Variants in BAZ2B observed in about 807,000 individuals in gnomAD.
The protein encoded by BAZ2B is bromodomain adjacent to zinc finger domain protein 2B.
In BAZ2B, 91 loss-of-function variants were observed where a neutral mutation model predicts 246.0. That is an observed-to-expected ratio of 0.37 (90% CI 0.31 to 0.44). BAZ2B has a LOEUF of 0.44. Ranked by LOEUF, BAZ2B falls within the 20% of genes least tolerant of loss-of-function variation. BAZ2B has a pLI of 1.00. For missense variants in BAZ2B, 2,332 were observed against 2,533.7 expected, an observed-to-expected ratio of 0.92 and a Z score of 1.71; for synonymous variants, 855 against 860.0, an observed-to-expected ratio of 0.99 and a Z score of 0.10.
intron 10 of BAZ2B, 125 bp downstream of exon 10, chr2:159,430,738 A>G (rs1311839691): frequency 6.9e-7 from 1 of 1,439,762 alleles, no homozygotes; most frequent in Non-Finnish European, 9.2e-7. Flanking sequence ...CACCTTCCTT[A>G]GCCAACCTAA....
At chr2:159,649,204 T>C in the BAZ2B span, among the ~76,000 whole-genome samples, 1 of 152,126 alleles carries the variant, frequency 6.6e-6, no homozygotes, top group African/African-American at 2.4e-5. Flanking sequence ...AAGTTCTTTA[T>C]ACATTTTGGA....
intron 2 of BAZ2B, among the ~76,000 whole-genome samples, chr2:159,539,734 A>C (rs1249723204): frequency 6.6e-6 from 1 of 152,242 alleles, no homozygotes; most frequent in African/African-American, 2.4e-5. Context: ...AACTAAAATC[A>C]AATGAAACAT....
At chr2:159,527,311 T>C (rs1297242019) in intron 2 of BAZ2B, among the ~76,000 whole-genome samples, 1 of 152,200 alleles carries the variant, frequency 6.6e-6, no homozygotes, top group Admixed American at 6.5e-5. Flanking sequence ...GTTTGCCTTT[T>C]TACTATTGAG....
chr2:159,324,881 G>A lies in BAZ2B; in HGVS notation c.6283C>T (p.Pro2095Ser), dbSNP rs2063234871. 2 of 1,554,548 alleles carry A rather than the reference G, an allele frequency of 1.3e-6. No homozygotes were observed. Among genetic ancestry groups the A allele is most frequent in the Non-Finnish European group, 1.7e-6 (2 of 1,157,898 alleles). The part of the protein sequence containing the change: ...FLLPVNLKLV[P>S]GYKKVIKKPM... The stretch of plus-strand genomic sequence containing the variant: ...TTCTTAATAACTTTCTTATAACCAG[G>A]AACAAGTTTCAAGTTTACAGGAAGT... Residue 2095 changes from proline (P) to serine (S), a missense_variant, in exon 36 of 37, where the codon CCT (proline) becomes TCT (serine). By Grantham distance (74) the Pro-to-Ser change is moderately conservative (BLOSUM62 -1). This residue lies in a region of BAZ2B where 210 missense variants were observed against 232.5 expected (regional missense o/e 0.90). Coordinates refer to ENST00000392783, the MANE Select transcript of BAZ2B (RefSeq NM_013450.4).
chr2:159,383,986 T>C (rs766819928), intron 23 of BAZ2B, among the ~76,000 whole-genome samples: 14 of 152,028 alleles, frequency 9.2e-5, no homozygotes, highest in Non-Finnish European at 1.9e-4. Flanking sequence ...CCAAGTTTTG[T>C]TGCAGGTATT....
intron 1 of BAZ2B, among the ~76,000 whole-genome samples, chr2:159,605,916 G>A (rs1287131594): frequency 1.3e-5 from 2 of 152,056 alleles, no homozygotes; most frequent in Non-Finnish European, 2.9e-5. Context: ...TTCCTGCAGC[G>A]GGAAGGGCAA....
intron 2 of BAZ2B, among the ~76,000 whole-genome samples, chr2:159,489,325 C>A (rs2080190226): frequency 6.6e-6 from 1 of 151,910 alleles, no homozygotes; most frequent in Admixed American, 6.6e-5. Context: ...AAAAAAAGAG[C>A]CAATGAACTC....
intron 5 of BAZ2B, 138 bp from the exon 6 acceptor site, chr2:159,447,113 T>C: frequency 1.7e-6 from 1 of 590,320 alleles, no homozygotes; most frequent in Admixed American, 3.8e-5. Flanking sequence ...TGTTGTATGA[T>C]TCCATCTACA....
intron 34 of BAZ2B, 132 bp from the exon 35 acceptor site, chr2:159,326,050 T>C (rs1453712483): frequency 8.0e-6 from 6 of 752,008 alleles, no homozygotes; most frequent in Non-Finnish European, 1.2e-5. Flanking sequence ...TGATAACTAT[T>C]ATTCTTAAGA....
chr2:159,542,223 A>G (rs1334421402), intron 2 of BAZ2B, among the ~76,000 whole-genome samples: 3 of 152,204 alleles, frequency 2.0e-5, no homozygotes, highest in Non-Finnish European at 4.4e-5. Context: ...CATTATGGAT[A>G]TGCCAAAAGG....
Position 159,433,300 on chromosome 2 carries a change from T to G in BAZ2B, c.1357A>C (p.Lys453Gln). Residue 453 changes from lysine to glutamine, a missense_variant, in exon 9 of 37, where the codon AAG becomes CAG. Transcript: ENST00000392783. ...KKQESSKSLK[K>Q]VIAALSNPKA... ...GGATTTGACAAAGCTGCAATAACCT[T>G]CTTCAGGCTCTTCGATGACTCTTGT... 1.2e-6 allele frequency: 2 copies of G among 1,614,106 alleles called. No individual in the cohort carries two copies. The highest frequency in any genetic ancestry group is 3.3e-4 in the Middle Eastern group (2 of 6,062).
intron 1 of BAZ2B, among the ~76,000 whole-genome samples, chr2:159,585,794 T>C (rs1169665372): frequency 3.3e-5 from 5 of 152,282 alleles, no homozygotes; most frequent in African/African-American, 1.2e-4. Flanking sequence ...TTTGTCCCTA[T>C]GCTAAATGGT....
intron 6 of BAZ2B, chr2:159,444,202 C>G (rs191635806): frequency 6.6e-6 from 1 of 151,884 alleles, no homozygotes; most frequent in South Asian, 2.1e-4. Context: ...GGAGAAGAGC[C>G]AAGAGCAGGT....
intron 32 of BAZ2B, 61 bp downstream of exon 32, chr2:159,337,506 A>C (rs1484832940): frequency 6.2e-7 from 1 of 1,613,576 alleles, no homozygotes; most frequent in South Asian, 1.1e-5. Flanking sequence ...CAGGGACAGT[A>C]ACTGTGCCCA....
chr2:159,391,996 C>T (rs944678421), intron 20 of BAZ2B: 9 of 152,268 alleles, frequency 5.9e-5, no homozygotes, highest in Middle Eastern at 3.4e-3. Flanking sequence ...GTCCCCTCAA[C>T]CACCAACTAA....
At chr2:159,347,329 C>G (rs1363871334) in intron 31 of BAZ2B, among the ~76,000 whole-genome samples, 157 bp downstream of exon 31, 1 of 152,140 alleles carries the variant, frequency 6.6e-6, no homozygotes, top group East Asian at 1.9e-4. Flanking sequence ...AGCCTGGTTC[C>G]TTAACAGATG....
chr2:159,480,273 A>G (rs895323678), intron 2 of BAZ2B, among the ~76,000 whole-genome samples: 1 of 152,116 alleles, frequency 6.6e-6, no homozygotes, highest in Admixed American at 6.5e-5. Flanking sequence ...GAAGGGGTTT[A>G]AAAAAATTTG....
chr2:159,352,576 A>G (rs1169154016), intron 27 of BAZ2B, among the ~76,000 whole-genome samples: 1 of 151,322 alleles, frequency 6.6e-6, no homozygotes, highest in Non-Finnish European at 1.5e-5. Flanking sequence ...ACCTCGACCT[A>G]CCAAGCTCAA....
At chr2:159,354,936 G>A (rs1014868439) in intron 27 of BAZ2B, among the ~76,000 whole-genome samples, 1 of 152,178 alleles carries the variant, frequency 6.6e-6, no homozygotes, top group African/African-American at 2.4e-5. Flanking sequence ...TTAAATGAAT[G>A]CTAAAAGTAG....
Sources: allele counts gnomAD v4.1 joint callset (sites outside exome capture counted in the v4.1 genomes callset), GRCh38; gene constraint gnomAD v4.1.1; regional missense constraint gnomAD v4.1.1; transcripts MANE v1.5; gene names NCBI Gene and HGNC (gene_info 2026-07-23, HGNC 2026-07-21).